Variants in ADGRL3 observed in about 807,000 individuals in gnomAD.
ADGRL3 encodes the protein adhesion G protein-coupled receptor L3.
A neutral mutation model predicts 153.5 loss-of-function variants in ADGRL3; 62 were observed. That is an observed-to-expected ratio of 0.40 (90% confidence interval 0.33 to 0.50). The LOEUF (loss-of-function observed/expected upper bound fraction) is 0.50. Ranked by LOEUF, ADGRL3 falls within the 20% of genes least tolerant of loss-of-function variation. The pLI, the probability that ADGRL3 is intolerant of heterozygous loss-of-function variation, is 0.47. For missense variants in ADGRL3, 1,641 were observed against 1,859.4 expected, an observed-to-expected ratio of 0.88 and a Z score of 2.16; for synonymous variants, 710 against 672.5, an observed-to-expected ratio of 1.06 and a Z score of -0.86.
intron 2 of ADGRL3, among the ~76,000 whole-genome samples, chr4:61,432,590 CTT>C (rs796141242): frequency 0.031 from 327 of 10,662 alleles, 57 homozygotes; most frequent in South Asian, 0.12. Flanking sequence ...TTCTTTCTTT[CTT>C]TCTTTCTTTC....
chr4:61,238,080 A>T (rs996921464), intron 1 of ADGRL3, among the ~76,000 whole-genome samples: 2 of 152,110 alleles, frequency 1.3e-5, no homozygotes, highest in Admixed American at 6.6e-5. Context: ...GGTAATGTTG[A>T]TTTTGCAGAA....
At chr4:62,051,234 A>C in intron 25 of ADGRL3, among the ~76,000 whole-genome samples, 1 of 150,384 alleles carries the variant, frequency 6.6e-6, no homozygotes. Flanking sequence ...ATTGATAGAA[A>C]CAATCAGAAA....
rs60687917 is a variant in ADGRL3, at chr4:61,750,567, G to A, written c.1399+17013G>A. On this transcript the variant is annotated intron_variant, in intron 8 of 26. Transcript: ENST00000683033. ...AGCACTTTGGGAGGCCGAGGCGGGC[G>A]GATCACGAGGTCAGGAGATCGAGAC... Among the ~76,000 whole-genome samples the A allele has an allele frequency of 3.8e-3, 574 of 152,122 alleles. 6 individuals are homozygous for A. The highest frequency in any genetic ancestry group is 0.013 in the African/African-American group (539 of 41,500).
intron 2 of ADGRL3, among the ~76,000 whole-genome samples, chr4:61,411,967 C>A (rs940048830): frequency 2.6e-5 from 4 of 152,116 alleles, no homozygotes; most frequent in Non-Finnish European, 4.4e-5. Context: ...AATGTGTTAA[C>A]CCTCATATAT....
chr4:61,497,386 G>A, intron 3 of ADGRL3, 38 bp downstream of exon 3: 1 of 1,380,666 alleles, frequency 7.2e-7, no homozygotes, highest in Non-Finnish European at 1.0e-6. Flanking sequence ...GCTTAATGTT[G>A]TCTCACTTAT....
chr4:61,570,242 A>G lies in ADGRL3; in HGVS notation c.260-16985A>G, dbSNP rs1041226814. 4.6e-5 allele frequency among the ~76,000 whole-genome samples: 7 copies of G among 152,294 alleles called. No individual in the cohort carries two copies. The South Asian group carries it at 1.4e-3, about 32-fold the overall frequency. On this transcript the variant is annotated intron_variant, in intron 4 of 26. Coordinates refer to ENST00000683033, the MANE Select transcript of ADGRL3 (RefSeq NM_001387552.1). ...TCCCCTGACTTTCACTTTTTCTGCT[A>G]GTAATACAGCCATCTCTGTCCATTT...
At chr4:61,874,627 A>G (rs911114835) in intron 9 of ADGRL3, among the ~76,000 whole-genome samples, 4 of 150,198 alleles carry the variant, frequency 2.7e-5, no homozygotes, top group African/African-American at 7.3e-5. Flanking sequence ...GAATATTGCT[A>G]TGTATTTAAA....
At chr4:61,498,054 T>G (rs1177003203) in intron 3 of ADGRL3, among the ~76,000 whole-genome samples, 1 of 152,160 alleles carries the variant, frequency 6.6e-6, no homozygotes, top group Non-Finnish European at 1.5e-5. Context: ...ATGTAGTAAA[T>G]TTGGGCATTT....
chr4:61,367,376 A>G (rs2096419712), intron 1 of ADGRL3, among the ~76,000 whole-genome samples: 1 of 151,814 alleles, frequency 6.6e-6, no homozygotes, highest in South Asian at 2.1e-4. Flanking sequence ...TCCCAATGCT[A>G]TCCCTCCCCA....
At chr4:61,458,633 C>CA (rs1298260517) in intron 2 of ADGRL3, among the ~76,000 whole-genome samples, 1 of 151,396 alleles carries the variant, frequency 6.6e-6, no homozygotes, top group African/African-American at 2.4e-5. Context: ...TCTTAAATAA[C>CA]AAAAATATAA....
intron 5 of ADGRL3, among the ~76,000 whole-genome samples, chr4:61,612,298 T>C (rs1408786450): frequency 6.6e-6 from 1 of 152,158 alleles, no homozygotes; most frequent in East Asian, 1.9e-4. Context: ...GAATCATTTA[T>C]TGTTGGGAAG....
chr4:61,285,413 G>T (rs1418482744), intron 1 of ADGRL3, among the ~76,000 whole-genome samples: 1 of 151,736 alleles, frequency 6.6e-6, no homozygotes, highest in Non-Finnish European at 1.5e-5. Context: ...TTTCTAAAAT[G>T]ATTCTATTAA....
chr4:61,303,393 A>G (rs751213003), intron 1 of ADGRL3, among the ~76,000 whole-genome samples: 2 of 152,164 alleles, frequency 1.3e-5, no homozygotes, highest in Non-Finnish European at 2.9e-5. Flanking sequence ...GGTGCCCTGC[A>G]CATGGAAAAT....
chr4:61,856,449 T>TTTC lies in ADGRL3; in HGVS notation c.1481-36205_1481-36204insCTT, dbSNP rs1561366278. ...TTCCTTCCTTCCTTCCTTCCTTCCT[T>TTTC]TTTTCTTTTCTTTTCTTTTCTTTTC... is the stretch of plus-strand genomic sequence containing the variant. On this transcript the variant is annotated intron_variant, in intron 9 of 26. Transcript: ENST00000683033. Among the ~76,000 whole-genome samples, 379 of 148,624 alleles carry TTTC rather than the reference T, an allele frequency of 2.6e-3. 1 individual carries two copies. The highest frequency in any genetic ancestry group is 9.0e-3 in the African/African-American group (356 of 39,730).
At chr4:61,547,977 G>A (rs1467971218) in intron 4 of ADGRL3, among the ~76,000 whole-genome samples, 1 of 152,012 alleles carries the variant, frequency 6.6e-6, no homozygotes, top group Non-Finnish European at 1.5e-5. Flanking sequence ...GTTTTGATTT[G>A]CATTTCTCTG....
chr4:61,767,423 A>T (rs2097005647), intron 8 of ADGRL3, among the ~76,000 whole-genome samples: 1 of 152,046 alleles, frequency 6.6e-6, no homozygotes, highest in Non-Finnish European at 1.5e-5. Flanking sequence ...CAGACCCTTG[A>T]AAAGAACGTA....
At chr4:61,690,680 T>C (rs757982179) in intron 6 of ADGRL3, among the ~76,000 whole-genome samples, 21 of 152,142 alleles carry the variant, frequency 1.4e-4, no homozygotes, top group Non-Finnish European at 2.9e-4. Context: ...AGGAAATGTA[T>C]TTATTTCTAC....
At chr4:62,029,800 T>G (rs1462821382) in intron 22 of ADGRL3, among the ~76,000 whole-genome samples, 1 of 151,356 alleles carries the variant, frequency 6.6e-6, no homozygotes, top group African/African-American at 2.4e-5. Flanking sequence ...ATACCTGACT[T>G]AAGTATTTGA....
chr4:61,329,243 A>C (rs1284396749), intron 1 of ADGRL3, among the ~76,000 whole-genome samples: 1 of 152,194 alleles, frequency 6.6e-6, no homozygotes, highest in East Asian at 1.9e-4. Context: ...ATAAAGTAAA[A>C]CAAGATTTAT....
Sources: allele counts gnomAD v4.1 joint callset (sites outside exome capture counted in the v4.1 genomes callset), GRCh38; gene constraint gnomAD v4.1.1; transcripts MANE v1.5; gene names NCBI Gene and HGNC (gene_info 2026-07-23, HGNC 2026-07-21).